Variants in CTNNA3 observed in about 807,000 individuals in gnomAD.
CTNNA3 encodes catenin alpha-3.
CTNNA3 carries 76 observed loss-of-function variants against 95.7 expected under a neutral mutation model. The observed-to-expected ratio is 0.79, with a 90% CI of 0.66 to 0.96. The LOEUF (loss-of-function observed/expected upper bound fraction) is 0.96, where lower values mean the gene tolerates loss of function less well. Ranked by LOEUF, CTNNA3 falls within the 40% of genes least tolerant of loss-of-function variation. The pLI is 0.00. For synonymous variants in CTNNA3, 431 were observed against 374.4 expected (o/e 1.15, Z -1.74); for missense variants, 1,191 against 1,089.8 (o/e 1.09, Z -1.31).
chr10:67,346,808 A>T (rs1842436572), intron 5 of CTNNA3: 2 of 377,862 alleles, frequency 5.3e-6, no homozygotes, highest in African/African-American at 2.1e-5. Flanking sequence ...TTCCCTCATG[A>T]ACTTACATTT....
intron 7 of CTNNA3, chr10:66,926,293 C>CA (rs57611407): frequency 0.013 from 6,583 of 524,420 alleles, 178 homozygotes; most frequent in African/African-American, 0.076. Context: ...CCCCACCCCC[C>CA]AAAAAACTGT....
At chr10:66,449,927 T>C (rs1018031758) in intron 11 of CTNNA3, among the ~76,000 whole-genome samples, 2 of 152,132 alleles carry the variant, frequency 1.3e-5, no homozygotes, top group African/African-American at 2.4e-5. Context: ...GAACATAATA[T>C]TGGCTTTGAT....
rs143251121 is a variant in CTNNA3 at position 67,344,593 on chromosome 10, G to A, written c.580-124723C>T. Among the ~76,000 whole-genome samples, 517 of 152,034 alleles carry A rather than the reference G, an allele frequency of 3.4e-3. 2 individuals carry two copies. The highest frequency in any genetic ancestry group is 0.024 in the Middle Eastern group (7 of 294). On this transcript the variant is annotated intron_variant, in intron 5 of 17. Transcript: ENST00000433211. ...ATCTTGATAGGTTGTATGTGTCTAC[G>A]AATTTTTCCATTTCTTCTAGATTGT...
intron 1 of CTNNA3, among the ~76,000 whole-genome samples, chr10:67,715,057 A>C (rs866423919): frequency 3.3e-5 from 5 of 152,214 alleles, no homozygotes; most frequent in African/African-American, 1.2e-4. Flanking sequence ...CTTCCTGAGC[A>C]CAATTGAGAG....
At chr10:66,801,665 C>T (rs144350222) in intron 7 of CTNNA3, among the ~76,000 whole-genome samples, 1,582 of 151,584 alleles carry the variant, frequency 0.01, 31 homozygotes, top group African/African-American at 0.035. Flanking sequence ...AATATTGTTA[C>T]GTTTTCCAAT....
At chr10:67,074,342 C>CTTTT (rs36186252) in intron 7 of CTNNA3, among the ~76,000 whole-genome samples, 25 of 68,744 alleles carry the variant, frequency 3.6e-4, no homozygotes, top group African/African-American at 9.0e-4. Context: ...CACTTTAACT[C>CTTTT]TTTTTTTTTT....
intron 7 of CTNNA3, among the ~76,000 whole-genome samples, chr10:67,041,583 A>T (rs1277075439): frequency 6.6e-6 from 1 of 152,158 alleles, no homozygotes; most frequent in East Asian, 1.9e-4. Flanking sequence ...CATAAAAGCA[A>T]TGGAAATTAA....
In CTNNA3 at chr10:67,149,739, T is replaced by C. The variant is rs117082654; in HGVS notation, c.1047+30578A>G. On this transcript the variant is annotated intron_variant, in intron 7 of 17. Coordinates refer to ENST00000433211, the MANE Select transcript of CTNNA3 (RefSeq NM_013266.4). ...AAGTTCTCTGAGAACACCAAATAAA[T>C]AAAAGTATATAAAATGCATAGCTCA... 8.0e-3 allele frequency among the ~76,000 whole-genome samples: 1,223 copies of C among 152,170 alleles called. 8 individuals are homozygous for C. The highest frequency in any genetic ancestry group is 0.016 in the South Asian group (79 of 4,816).
intron 7 of CTNNA3, among the ~76,000 whole-genome samples, chr10:67,035,401 T>C (rs1853982703): frequency 6.6e-6 from 1 of 152,204 alleles, no homozygotes; most frequent in African/African-American, 2.4e-5. Context: ...TTTATATTTA[T>C]ATGCGTTATT....
intron 13 of CTNNA3, among the ~76,000 whole-genome samples, chr10:66,217,410 T>C (rs1222444374): frequency 6.6e-6 from 1 of 152,170 alleles, no homozygotes; most frequent in Non-Finnish European, 1.5e-5. Context: ...TATTAACTTT[T>C]TTTAACTTTG....
chr10:67,341,119 C>A (rs938247494), intron 5 of CTNNA3, among the ~76,000 whole-genome samples: 1 of 152,066 alleles, frequency 6.6e-6, no homozygotes, highest in African/African-American at 2.4e-5. Flanking sequence ...TTGATACAGG[C>A]ATGGAAAGCA....
chr10:66,529,443 T>TCTTG (rs1554812155), intron 10 of CTNNA3, among the ~76,000 whole-genome samples: 2,529 of 116,598 alleles, frequency 0.022, 59 homozygotes, highest in African/African-American at 0.074. Context: ...AACAGTGTTT[T>TCTTG]TTTTTTGTTT....
intron 15 of CTNNA3, among the ~76,000 whole-genome samples, chr10:66,009,509 C>T (rs559811673): frequency 6.6e-6 from 1 of 150,742 alleles, no homozygotes; most frequent in East Asian, 1.9e-4. Context: ...ACAATGTTTA[C>T]GTTTTAGATA....
chr10:66,820,475 T>C (rs1470312034), intron 7 of CTNNA3, among the ~76,000 whole-genome samples: 1 of 152,072 alleles, frequency 6.6e-6, no homozygotes, highest in Non-Finnish European at 1.5e-5. Context: ...ATGAATTTTA[T>C]GGTATATGAA....
At chr10:67,580,971 G>C (rs2133318783) in intron 3 of CTNNA3, among the ~76,000 whole-genome samples, 1 of 152,080 alleles carries the variant, frequency 6.6e-6, no homozygotes, top group African/African-American at 2.4e-5. Context: ...GAGACAATGG[G>C]GTTTTCTAGA....
intron 11 of CTNNA3, among the ~76,000 whole-genome samples, chr10:66,445,982 T>C (rs968057726): frequency 4.6e-5 from 7 of 152,030 alleles, no homozygotes; most frequent in African/African-American, 7.2e-5. Flanking sequence ...TAAAAAATGA[T>C]AAAGGGGATA....
intron 15 of CTNNA3, among the ~76,000 whole-genome samples, chr10:66,003,604 G>GTTTGT (rs1213100426): frequency 1.3e-5 from 2 of 152,108 alleles, no homozygotes; most frequent in East Asian, 3.8e-4. Context: ...CTTTGGCAAA[G>GTTTGT]TTTGTTTTTT....
chr10:66,944,681 G>A (rs1325818544), intron 7 of CTNNA3, among the ~76,000 whole-genome samples: 1 of 152,068 alleles, frequency 6.6e-6, no homozygotes, highest in Non-Finnish European at 1.5e-5. Context: ...TCCATCAAAG[G>A]AATTATCATC....
At chr10:66,718,519 A>C (rs1337338906) in intron 9 of CTNNA3, among the ~76,000 whole-genome samples, 1 of 151,968 alleles carries the variant, frequency 6.6e-6, no homozygotes, top group Non-Finnish European at 1.5e-5. Flanking sequence ...TTGTCCAAAA[A>C]ATACAGTATG....
Sources: allele counts gnomAD v4.1 joint callset (sites outside exome capture counted in the v4.1 genomes callset), GRCh38; gene constraint gnomAD v4.1.1; transcripts MANE v1.5; gene names NCBI Gene and HGNC (gene_info 2026-07-23, HGNC 2026-07-21).